METTL25: variants seen among roughly 807,000 people sequenced by gnomAD.
METTL25 encodes the protein methyltransferase like 25.
Under a neutral mutation model 71.6 loss-of-function variants are expected in METTL25, and 64 were observed. That is an observed-to-expected ratio of 0.89 (90% confidence interval 0.73 to 1.10). The LOEUF is 1.10. Ranked by LOEUF, METTL25 falls within the 50% of genes least tolerant of loss-of-function variation. METTL25 has a pLI of 0.00. For synonymous variants in METTL25, 287 were observed against 250.3 expected, an observed-to-expected ratio of 1.15 and a Z score of -1.38; for missense variants, 807 against 707.0, an observed-to-expected ratio of 1.14 and a Z score of -1.60.
rs562391668 is a variant in METTL25, at chr12:82,396,459, C to T, written c.532-2336C>T. Among the ~76,000 whole-genome samples the T allele has an allele frequency of 5.3e-5, 8 of 152,034 alleles. No individual in the cohort carries two copies. In the South Asian group the frequency reaches 1.7e-3, roughly 32 times the overall value. ...CATTACTGTAAGTATAGGAATGTTT[C>T]CTTGAGTGGCTCATACTTATGTCAA... On this transcript the variant is annotated intron_variant, in intron 3 of 11. Coordinates refer to ENST00000248306, the MANE Select transcript of METTL25 (RefSeq NM_032230.3).
chr12:82,416,947 G>C (rs543950043), intron 5 of METTL25, among the ~76,000 whole-genome samples: 1 of 152,012 alleles, frequency 6.6e-6, no homozygotes, highest in Non-Finnish European at 1.5e-5. Context: ...TTATAGAATT[G>C]TCCTGTAACC....
intron 4 of METTL25, among the ~76,000 whole-genome samples, chr12:82,402,227 G>GGTGTATAAAC (rs1886689272): frequency 6.6e-6 from 1 of 151,758 alleles, no homozygotes; most frequent in African/African-American, 2.4e-5. Flanking sequence ...TAGTTGATGC[G>GGTGTATAAAC]GTGTATAAAC....
In METTL25 at chr12:82,460,669, G is replaced by C. The variant is rs112751310; in HGVS notation, c.1572+3849G>C. Reference sequence around the variant, plus strand: ...GATCAGTACTTCTCAAAACTGTCAAGGTCTGCAAATCAAGACAAGTTTGAG... The same window carrying C: ...GATCAGTACTTCTCAAAACTGTCAACGTCTGCAAATCAAGACAAGTTTGAG... On this transcript the variant is annotated intron_variant, in intron 9 of 11. Transcript: ENST00000248306. 6.6e-3 allele frequency among the ~76,000 whole-genome samples: 1,003 copies of C among 152,270 alleles called. 4 individuals carry two copies. Among genetic ancestry groups the C allele is most frequent in the Non-Finnish European group, 0.01 (714 of 68,020 alleles).
intron 9 of METTL25, among the ~76,000 whole-genome samples, chr12:82,471,595 A>C (rs527935424): frequency 6.6e-6 from 1 of 152,350 alleles, no homozygotes; most frequent in African/African-American, 2.4e-5. Context: ...CAGTAACATT[A>C]GGGCACATTG....
chr12:82,436,376 C>T (rs536326904), intron 7 of METTL25, among the ~76,000 whole-genome samples: 1 of 151,550 alleles, frequency 6.6e-6, no homozygotes, highest in Middle Eastern at 3.4e-3. Context: ...TAATGTATCA[C>T]TTAAGGGAAA....
intron 1 of METTL25, among the ~76,000 whole-genome samples, chr12:82,386,429 T>TCCTC (rs201749073): frequency 8.9e-4 from 128 of 143,518 alleles, no homozygotes; most frequent in Middle Eastern, 3.6e-3. Context: ...CTTCCTTCCT[T>TCCTC]CCTCCCTCCC....
chr12:82,477,949 C>A lies in METTL25; in HGVS notation c.1719+597C>A, dbSNP rs73153577. Among the ~76,000 whole-genome samples, 19 of 151,780 alleles carry A rather than the reference C, an allele frequency of 1.3e-4. 1 individual carries two copies. The Middle Eastern group carries it at 0.017, about 136-fold the overall frequency. ...CATTCATGGACTCACCGAATGTTTC[C>A]GCTATAAACTCTTTAACAGTTTTAT... is the stretch of plus-strand genomic sequence containing the variant. On this transcript the variant is annotated intron_variant, in intron 11 of 11. Transcript: ENST00000248306.
intron 3 of METTL25, among the ~76,000 whole-genome samples, chr12:82,391,350 G>T (rs1215925836): frequency 1.3e-5 from 2 of 151,996 alleles, no homozygotes; most frequent in Non-Finnish European, 2.9e-5. Context: ...TTCCTATGGG[G>T]TTGGTTTTAC....
intron 5 of METTL25, among the ~76,000 whole-genome samples, chr12:82,418,639 T>G (rs1888193002): frequency 6.6e-6 from 1 of 152,154 alleles, no homozygotes; most frequent in African/African-American, 2.4e-5. Flanking sequence ...GGATCTATAC[T>G]AAGTGCCACT....
Position 82,358,813 on chromosome 12 carries a change from A to T in METTL25, c.248A>T (p.Glu83Val). 1.3e-6 allele frequency: 2 copies of T among 1,576,938 alleles called. No individual in the cohort carries two copies. Among genetic ancestry groups the T allele is most frequent in the Non-Finnish European group, 1.7e-6 (2 of 1,157,578 alleles). Residue 83 changes from glutamate (E) to valine (V), a missense_variant, in exon 1 of 12, where the codon GAG becomes GTG. Glu to Val is a moderately radical substitution (Grantham distance 121). Transcript: ENST00000248306. ...GAGACGCGCCCCCTAGTGGAAGCAGAGTGGGAAGCAGGTGGGTGGTGGGGT... is the reference window on the plus strand; with the variant it reads ...GAGACGCGCCCCCTAGTGGAAGCAGTGTGGGAAGCAGGTGGGTGGTGGGGT... ...PSETRPLVEA[E>V]WEAGMTDFPK...
chr12:82,412,232 C>G (rs1345530573), intron 5 of METTL25, among the ~76,000 whole-genome samples: 1 of 152,066 alleles, frequency 6.6e-6, no homozygotes, highest in Non-Finnish European at 1.5e-5. Flanking sequence ...TTAATAGGTA[C>G]TTAATCTTAT....
At chr12:82,465,119 G>C (rs891124556) in intron 9 of METTL25, among the ~76,000 whole-genome samples, 1 of 151,748 alleles carries the variant, frequency 6.6e-6, no homozygotes, top group African/African-American at 2.4e-5. Flanking sequence ...TAATTGTTCT[G>C]ATTAGAACTT....
chr12:82,371,743 C>T (rs1055193895), intron 1 of METTL25, among the ~76,000 whole-genome samples: 1 of 152,150 alleles, frequency 6.6e-6, no homozygotes, highest in Non-Finnish European at 1.5e-5. Flanking sequence ...AATTGACCCT[C>T]AAGTGAGCCG....
chr12:82,402,496 C>T (rs1272824391), intron 4 of METTL25, among the ~76,000 whole-genome samples: 2 of 151,762 alleles, frequency 1.3e-5, no homozygotes, highest in African/African-American at 2.4e-5. Context: ...AAAATATAAA[C>T]AGGTAAATAA....
At chr12:82,402,270 G>A (rs1886692843) in intron 4 of METTL25, among the ~76,000 whole-genome samples, 2 of 151,876 alleles carry the variant, frequency 1.3e-5, no homozygotes, top group South Asian at 2.1e-4. Flanking sequence ...GAAATACCAA[G>A]TTTACAACAG....
At chr12:82,441,163 C>T (rs1354198270) in intron 8 of METTL25, among the ~76,000 whole-genome samples, 3 of 151,920 alleles carry the variant, frequency 2.0e-5, no homozygotes, top group Non-Finnish European at 2.9e-5. Flanking sequence ...ATGAGTAAAG[C>T]CCCATTTTGA....
At chr12:82,373,304 C>T (rs1327610208) in intron 1 of METTL25, among the ~76,000 whole-genome samples, 2 of 152,114 alleles carry the variant, frequency 1.3e-5, no homozygotes, top group African/African-American at 4.8e-5. Context: ...CTCCCCATAT[C>T]CTAGCTTCAG....
At chr12:82,406,880 T>C (rs901812732) in intron 5 of METTL25, among the ~76,000 whole-genome samples, 1 of 152,114 alleles carries the variant, frequency 6.6e-6, no homozygotes, top group Non-Finnish European at 1.5e-5. Context: ...GTAAGAAGTG[T>C]ATTGCAGGCA....
intron 5 of METTL25, among the ~76,000 whole-genome samples, chr12:82,417,562 A>G (rs1592687647): frequency 6.6e-6 from 1 of 152,132 alleles, no homozygotes; most frequent in Admixed American, 6.6e-5. Flanking sequence ...TTTTTCTAAC[A>G]AAAGGATTCC....
Sources: gnomAD v4.1 joint callset for allele counts (sites outside exome capture counted in the v4.1 genomes callset) on GRCh38, gnomAD v4.1.1 for gene constraint, MANE v1.5 for transcripts, NCBI Gene and HGNC (gene_info 2026-07-23, HGNC 2026-07-21) for gene names.